The following IMMT variants were observed in gnomAD, a reference collection of about 807,000 sequenced individuals.
IMMT encodes MICOS complex subunit MIC60.
Under a neutral mutation model 92.7 loss-of-function variants are expected in IMMT, and 40 were observed. The ratio of observed to expected loss-of-function variants is 0.43; its 90% CI spans 0.34 to 0.56. The LOEUF (loss-of-function observed/expected upper bound fraction) is 0.56. Ranked by LOEUF, IMMT falls within the 20% of genes least tolerant of loss-of-function variation. The pLI is 0.03. For missense variants in IMMT, 831 were observed against 912.1 expected (o/e 0.91, Z 1.14); for synonymous variants, 322 against 336.1 (o/e 0.96, Z 0.46).
intron 7 of IMMT, 84 bp from the exon 8 acceptor site, chr2:86,162,163 TG>T: frequency 1.3e-6 from 1 of 784,388 alleles, no homozygotes; most frequent in Non-Finnish European, 2.0e-6. Context: ...CAGAAACATG[TG>T]ACATTAAATT....
chr2:86,172,009 A>G (rs1274786209), intron 4 of IMMT, among the ~76,000 whole-genome samples: 2 of 136,694 alleles, frequency 1.5e-5, no homozygotes, highest in Non-Finnish European at 3.0e-5. Context: ...TCTGTTGCCC[A>G]GGCTGGAGAA....
chr2:86,165,856 A>G (rs1312267630), intron 7 of IMMT, among the ~76,000 whole-genome samples: 1 of 152,236 alleles, frequency 6.6e-6, no homozygotes, highest in Non-Finnish European at 1.5e-5. Flanking sequence ...TATCTTAAAA[A>G]GTTTACCTAT....
chr2:86,155,070 C>T (rs973977219), intron 10 of IMMT, among the ~76,000 whole-genome samples: 2 of 152,122 alleles, frequency 1.3e-5, no homozygotes, highest in Admixed American at 1.3e-4. Flanking sequence ...ACCATATCGG[C>T]CAGGCCGGTC....
At chr2:86,166,874 C>T (rs1347391959) in intron 6 of IMMT, among the ~76,000 whole-genome samples, 1 of 151,778 alleles carries the variant, frequency 6.6e-6, no homozygotes, top group Non-Finnish European at 1.5e-5. Context: ...CCGAGGCGGG[C>T]GTATCACAAG....
At chr2:86,152,104 A>T (rs758699693) in intron 11 of IMMT, among the ~76,000 whole-genome samples, 7 of 152,024 alleles carry the variant, frequency 4.6e-5, no homozygotes, top group Non-Finnish European at 5.9e-5. Context: ...GTTTTTTTTT[A>T]AAATCTCAAT....
At chr2:86,150,004 AG>A (rs1432644681) in intron 12 of IMMT, among the ~76,000 whole-genome samples, 1 of 152,188 alleles carries the variant, frequency 6.6e-6, no homozygotes, top group East Asian at 1.9e-4. Context: ...CAAAACTGGT[AG>A]GATCTGTGGG....
At chr2:86,188,125 C>T (rs1230979727) in intron 1 of IMMT, among the ~76,000 whole-genome samples, 3 of 151,868 alleles carry the variant, frequency 2.0e-5, no homozygotes, top group African/African-American at 7.2e-5. Flanking sequence ...CTGCAACCTT[C>T]GCCTCCCGGG....
intron 1 of IMMT, among the ~76,000 whole-genome samples, chr2:86,184,101 T>G (rs1306899677): frequency 6.6e-6 from 1 of 152,060 alleles, no homozygotes; most frequent in Non-Finnish European, 1.5e-5. Context: ...CACTGTATTG[T>G]ATCATTTTTT....
chr2:86,179,349 A>G (rs1339862592), intron 3 of IMMT, 84 bp downstream of exon 3: 1 of 1,174,796 alleles, frequency 8.5e-7, no homozygotes, highest in Admixed American at 3.0e-5. Context: ...AGAATACCAA[A>G]AGACAACTGT....
chr2:86,149,514 G>C (rs192631287), intron 12 of IMMT, among the ~76,000 whole-genome samples: 1 of 152,248 alleles, frequency 6.6e-6, no homozygotes. Context: ...AGAAAGAAGG[G>C]TATGAAGAAA....
chr2:86,184,738 CAA>C (rs60481149), intron 1 of IMMT, among the ~76,000 whole-genome samples: 16 of 100,032 alleles, frequency 1.6e-4, no homozygotes, highest in Non-Finnish European at 1.5e-4. Flanking sequence ...TAAAGAAAAG[CAA>C]AAAAAAAAAA....
intron 1 of IMMT, among the ~76,000 whole-genome samples, chr2:86,185,217 G>A (rs1672695096): frequency 6.6e-6 from 1 of 151,714 alleles, no homozygotes; most frequent in African/African-American, 2.4e-5. Context: ...CATCACAAGC[G>A]CTAACTGGTT....
chr2:86,167,130 A>C (rs1039333839), intron 6 of IMMT, among the ~76,000 whole-genome samples: 2 of 150,116 alleles, frequency 1.3e-5, no homozygotes, highest in Non-Finnish European at 3.0e-5. Flanking sequence ...AAATACTGAT[A>C]ATTTAGTCTG....
rs1365719333 is a variant in IMMT at position 86,180,121 on chromosome 2, A to AT, written c.120-500dup. ...TAAATAAAAGTATGAATAACTAAAA[A>AT]TTTTTTTTAAATACAATATCTAGAA... On this transcript the variant is annotated intron_variant, in intron 2 of 14. Transcript: ENST00000410111. Among the ~76,000 whole-genome samples the AT allele has an allele frequency of 2.6e-5, 4 of 152,108 alleles. No individual in the cohort carries two copies. The East Asian group carries it at 7.7e-4, about 29-fold the overall frequency.
At chr2:86,183,998 A>G (rs1403904646) in intron 1 of IMMT, among the ~76,000 whole-genome samples, 3 of 152,176 alleles carry the variant, frequency 2.0e-5, no homozygotes, top group Non-Finnish European at 4.4e-5. Context: ...TCTATTCTTA[A>G]AAGTAAAATT....
intron 3 of IMMT, among the ~76,000 whole-genome samples, chr2:86,175,281 C>A (rs1677356879): frequency 6.6e-6 from 1 of 152,056 alleles, no homozygotes; most frequent in Admixed American, 6.6e-5. Context: ...TGGTTCCTCA[C>A]CATCTAGAAA....
At chr2:86,158,841 G>A in intron 9 of IMMT, 120 bp from the exon 10 acceptor site, 1 of 804,788 alleles carries the variant, frequency 1.2e-6, no homozygotes, top group South Asian at 1.9e-5. Flanking sequence ...AAGGAAATCT[G>A]AAGCTCAGAA....
chr2:86,144,811 G>A lies in IMMT; in HGVS notation c.1734C>T (p.Tyr578=). Residue 578 remains tyrosine (Y), a synonymous_variant, in exon 15 of 15, where the codon TAC becomes TAT. Coordinates refer to ENST00000410111, the MANE Select transcript of IMMT (RefSeq NM_006839.3). ...TTTCTGCAGATGAGGTCTTCATGCTGTACTTTAATGCCTCCACTGAAAGCC... is the reference window on the plus strand; with the variant it reads ...TTTCTGCAGATGAGGTCTTCATGCTATACTTTAATGCCTCCACTGAAAGCC... ...QLWLSVEALK[Y]SMKTSSAETP... is the part of the protein sequence containing the mutation. 6.2e-7 allele frequency: 1 copy of A among 1,612,412 alleles called. No individual in the cohort carries two copies. Among genetic ancestry groups the A allele is most frequent in the Non-Finnish European group, 8.5e-7 (1 of 1,179,808 alleles).
intron 2 of IMMT, 92 bp downstream of exon 2, chr2:86,181,207 G>C (rs925259771): frequency 5.5e-6 from 5 of 917,178 alleles, no homozygotes; most frequent in Non-Finnish European, 5.3e-6. Flanking sequence ...TTAAAAAAAG[G>C]TTTAGACAGC....
Sources: gnomAD v4.1 joint callset for allele counts (sites outside exome capture counted in the v4.1 genomes callset) on GRCh38, gnomAD v4.1.1 for gene constraint, MANE v1.5 for transcripts, NCBI Gene and HGNC (gene_info 2026-07-23, HGNC 2026-07-21) for gene names.